The following DLGAP2 variants were observed in gnomAD, a reference collection of about 807,000 sequenced individuals.
DLGAP2 encodes the protein DLG associated protein 2.
DLGAP2 carries 26 observed loss-of-function variants against 100.3 expected under a neutral mutation model. That is an observed-to-expected ratio of 0.26 (90% CI 0.19 to 0.36). The LOEUF (loss-of-function observed/expected upper bound fraction) is 0.36. DLGAP2 is among the 10% of genes least tolerant of loss of function. The probability of loss-of-function intolerance (pLI) is 1.00; values close to 1 mark genes in which losing one functional copy is unlikely to be tolerated. For synonymous variants in DLGAP2, 886 were observed against 630.1 expected, an observed-to-expected ratio of 1.41 and a Z score of -6.08; for missense variants, 1,858 against 1,453.2, an observed-to-expected ratio of 1.28 and a Z score of -4.53.
intron 3 of DLGAP2, among the ~76,000 whole-genome samples, chr8:1,462,958 G>C (rs1220002885): frequency 2.6e-5 from 4 of 152,188 alleles, no homozygotes; most frequent in Non-Finnish European, 5.9e-5. Flanking sequence ...TAAAATTAAA[G>C]TTCAAGTGGG....
chr8:1,270,688 G>T (rs187428576), intron 3 of DLGAP2, among the ~76,000 whole-genome samples: 2 of 120,898 alleles, frequency 1.7e-5, no homozygotes, highest in Admixed American at 1.8e-4. Flanking sequence ...CTCTATTTAT[G>T]TCTCTGTGTG....
At chr8:1,053,485 G>T (rs959846152) in intron 2 of DLGAP2, among the ~76,000 whole-genome samples, 5 of 152,080 alleles carry the variant, frequency 3.3e-5, no homozygotes, top group African/African-American at 1.2e-4. Flanking sequence ...CAGTCAGTTC[G>T]CAGTCTCCGA....
At chr8:1,302,048 C>T (rs947515323) in intron 3 of DLGAP2, 1 of 152,308 alleles carries the variant, frequency 6.6e-6, no homozygotes, top group Admixed American at 6.5e-5. Flanking sequence ...CTTTTCCAAC[C>T]TGTGTGTGCT....
intron 2 of DLGAP2, among the ~76,000 whole-genome samples, chr8:1,027,135 G>A (rs1362433113): frequency 6.6e-6 from 1 of 151,982 alleles, no homozygotes; most frequent in Non-Finnish European, 1.5e-5. Context: ...TTACAGAAAA[G>A]GTATAAACAC....
chr8:1,020,015 T>A (rs946772139), intron 2 of DLGAP2, among the ~76,000 whole-genome samples: 2 of 152,216 alleles, frequency 1.3e-5, no homozygotes, highest in Non-Finnish European at 2.9e-5. Context: ...GAAGTTAAGT[T>A]GCTTAACATT....
intron 3 of DLGAP2, among the ~76,000 whole-genome samples, chr8:1,332,986 G>A (rs144793795): frequency 6.6e-6 from 1 of 152,258 alleles, no homozygotes; most frequent in East Asian, 1.9e-4. Context: ...GCCTCGTCAG[G>A]CCCCCCTTCC....
intron 2 of DLGAP2, among the ~76,000 whole-genome samples, chr8:1,089,259 G>T (rs918842705): frequency 2.0e-5 from 3 of 152,250 alleles, no homozygotes; most frequent in African/African-American, 7.2e-5. Context: ...AATCTCTTAG[G>T]CCTGCACAGG....
intron 2 of DLGAP2, among the ~76,000 whole-genome samples, chr8:1,169,855 C>A (rs1443504969): frequency 6.6e-6 from 1 of 151,766 alleles, no homozygotes; most frequent in African/African-American, 2.4e-5. Flanking sequence ...TCCTCTTTTC[C>A]TAATTGAATA....
intron 1 of DLGAP2, among the ~76,000 whole-genome samples, chr8:817,480 C>G (rs1796503883): frequency 1.3e-5 from 2 of 152,324 alleles, no homozygotes; most frequent in South Asian, 4.1e-4. Flanking sequence ...GAGATTTCTT[C>G]TTGGTTTGGA....
chr8:856,841 C>A (rs1487317002), intron 1 of DLGAP2, among the ~76,000 whole-genome samples: 1 of 152,158 alleles, frequency 6.6e-6, no homozygotes, highest in East Asian at 1.9e-4. Flanking sequence ...CATCAGGATC[C>A]CAGCATGTTA....
At chr8:950,622 C>CTTTT (rs34631994) in intron 2 of DLGAP2, among the ~76,000 whole-genome samples, 1 of 130,512 alleles carries the variant, frequency 7.7e-6, no homozygotes, top group African/African-American at 2.9e-5. Flanking sequence ...TTTTCTTTTT[C>CTTTT]TTTTTTTTTT....
At chr8:1,272,819 G>T (rs949085027) in intron 3 of DLGAP2, among the ~76,000 whole-genome samples, 3 of 152,152 alleles carry the variant, frequency 2.0e-5, no homozygotes, top group Non-Finnish European at 4.4e-5. Context: ...TGAGCTGCCG[G>T]CCTGCAAGTC....
intron 4 of DLGAP2, among the ~76,000 whole-genome samples, chr8:1,509,141 C>G (rs761530731): frequency 4.0e-5 from 6 of 151,696 alleles, no homozygotes; most frequent in Non-Finnish European, 7.4e-5. Context: ...GACCATCCTG[C>G]CTAAAGCTGT....
intron 1 of DLGAP2, among the ~76,000 whole-genome samples, chr8:771,652 G>A (rs1454238156): frequency 2.0e-5 from 3 of 152,208 alleles, no homozygotes; most frequent in East Asian, 1.9e-4. Context: ...CCCCTACCTT[G>A]CTACCCAGAG....
At chr8:913,076 G>A (rs889982604) in intron 2 of DLGAP2, among the ~76,000 whole-genome samples, 45 of 152,186 alleles carry the variant, frequency 3.0e-4, no homozygotes, top group African/African-American at 1.1e-3. Flanking sequence ...AATTTACATA[G>A]GTTGAGCAAA....
intron 1 of DLGAP2, among the ~76,000 whole-genome samples, chr8:877,782 G>T (rs1248767909): frequency 6.6e-6 from 1 of 152,164 alleles, no homozygotes; most frequent in Non-Finnish European, 1.5e-5. Context: ...CATATTCTGT[G>T]CAAATGAGGT....
intron 3 of DLGAP2, among the ~76,000 whole-genome samples, chr8:1,483,845 T>C (rs945702086): frequency 5.9e-5 from 9 of 152,208 alleles, no homozygotes; most frequent in Non-Finnish European, 1.2e-4. Flanking sequence ...CTGGGAGCTG[T>C]GGTTTGCTCA....
chr8:1,005,201 C>T (rs1801071535), intron 2 of DLGAP2, among the ~76,000 whole-genome samples: 1 of 152,136 alleles, frequency 6.6e-6, no homozygotes, highest in African/African-American at 2.4e-5. Context: ...GTTTGGAGCC[C>T]TTTCTGTTTT....
chr8:1,069,032 A>G (rs1415465406), intron 2 of DLGAP2, among the ~76,000 whole-genome samples: 1 of 152,190 alleles, frequency 6.6e-6, no homozygotes, highest in East Asian at 1.9e-4. Flanking sequence ...GGTAACAAGA[A>G]CAAACATTAA....
Sources: gnomAD v4.1 joint callset for allele counts (sites outside exome capture counted in the v4.1 genomes callset) on GRCh38, gnomAD v4.1.1 for gene constraint, MANE v1.5 for transcripts, NCBI Gene and HGNC (gene_info 2026-07-23, HGNC 2026-07-21) for gene names.